Variants in FSTL5 observed in about 807,000 individuals in gnomAD.
FSTL5 encodes follistatin-related protein 5.
In FSTL5, 62 loss-of-function variants were observed where a neutral mutation model predicts 89.1. The ratio of observed to expected loss-of-function variants is 0.70; its 90% CI spans 0.57 to 0.86. The LOEUF is 0.86. Among genes scored for constraint, FSTL5 ranks in the 40% least tolerant of loss-of-function variants. The pLI, the probability that FSTL5 is intolerant of heterozygous loss-of-function variation, is 0.00. For synonymous variants in FSTL5, 383 were observed against 346.2 expected, an observed-to-expected ratio of 1.11 and a Z score of -1.18; for missense variants, 1,057 against 1,001.6, an observed-to-expected ratio of 1.06 and a Z score of -0.75.
intron 1 of FSTL5, among the ~76,000 whole-genome samples, chr4:162,119,175 C>T (rs1272747662): frequency 6.6e-6 from 1 of 151,546 alleles, no homozygotes; most frequent in East Asian, 2.0e-4. Context: ...TGCAGTGAGC[C>T]ATGATCATAC....
At chr4:161,488,122 G>A (rs1221621389) in intron 12 of FSTL5, among the ~76,000 whole-genome samples, 1 of 152,014 alleles carries the variant, frequency 6.6e-6, no homozygotes, top group Non-Finnish European at 1.5e-5. Context: ...TTAAAGCACT[G>A]AGGATAAAAT....
At chr4:162,139,709 A>G (rs1018759804) in intron 1 of FSTL5, among the ~76,000 whole-genome samples, 3 of 152,166 alleles carry the variant, frequency 2.0e-5, no homozygotes, top group African/African-American at 7.2e-5. Flanking sequence ...ATACTATGAA[A>G]CTTTTAAAAC....
At chr4:161,868,383 T>A (rs1413507250) in intron 4 of FSTL5, among the ~76,000 whole-genome samples, 1 of 152,150 alleles carries the variant, frequency 6.6e-6, no homozygotes, top group African/African-American at 2.4e-5. Flanking sequence ...TCAGCTAACA[T>A]CTCTTGTAGA....
chr4:161,587,757 G>A (rs1309124812), intron 7 of FSTL5, among the ~76,000 whole-genome samples, 182 bp from the exon 8 acceptor site: 4 of 152,090 alleles, frequency 2.6e-5, no homozygotes, highest in Non-Finnish European at 4.4e-5. Context: ...CTAACAATAT[G>A]TTTTGTTTAA....
intron 6 of FSTL5, among the ~76,000 whole-genome samples, chr4:161,693,740 G>A (rs559102196): frequency 2.8e-5 from 4 of 142,186 alleles, no homozygotes; most frequent in South Asian, 2.3e-4. Flanking sequence ...CCGGGTTCAC[G>A]CCATTCTCCT....
chr4:161,491,662 G>A (rs1729879413), intron 12 of FSTL5, among the ~76,000 whole-genome samples: 2 of 152,012 alleles, frequency 1.3e-5, no homozygotes, highest in Non-Finnish European at 2.9e-5. Context: ...TCAACATGCT[G>A]AAACCCCGTC....
intron 9 of FSTL5, among the ~76,000 whole-genome samples, chr4:161,541,312 C>G (rs1023193109): frequency 1.3e-5 from 2 of 152,124 alleles, no homozygotes; most frequent in East Asian, 3.9e-4. Context: ...AGTGTAACAA[C>G]TTCAAAAATT....
chr4:161,641,127 C>T (rs1219945710), intron 7 of FSTL5, among the ~76,000 whole-genome samples: 4 of 152,130 alleles, frequency 2.6e-5, no homozygotes, highest in African/African-American at 9.7e-5. Context: ...TACCTGCTCA[C>T]CTGCCCTGCT....
At chr4:161,989,121 C>T (rs2111070791) in intron 3 of FSTL5, among the ~76,000 whole-genome samples, 1 of 152,222 alleles carries the variant, frequency 6.6e-6, no homozygotes, top group South Asian at 2.1e-4. Flanking sequence ...ATAAAATAGA[C>T]ATCTGGAAAA....
At chr4:161,978,298 T>G (rs1735721482) in intron 3 of FSTL5, among the ~76,000 whole-genome samples, 1 of 152,204 alleles carries the variant, frequency 6.6e-6, no homozygotes, top group Non-Finnish European at 1.5e-5. Flanking sequence ...ATTGATGTTT[T>G]CTAAAATGTT....
chr4:161,871,391 T>A (rs1732257409), intron 4 of FSTL5, among the ~76,000 whole-genome samples: 1 of 152,140 alleles, frequency 6.6e-6, no homozygotes. Flanking sequence ...AATTATTAAT[T>A]TGTGGAAATT....
chr4:161,764,032 G>A (rs1740902738), intron 5 of FSTL5, among the ~76,000 whole-genome samples: 2 of 151,696 alleles, frequency 1.3e-5, no homozygotes, highest in Non-Finnish European at 2.9e-5. Context: ...ACTATACTAA[G>A]TGCTGGAGGT....
intron 11 of FSTL5, among the ~76,000 whole-genome samples, chr4:161,505,798 G>A (rs1730459094): frequency 6.6e-6 from 1 of 151,854 alleles, no homozygotes. Context: ...TCTCTTGCAA[G>A]ATCAAATTTT....
intron 4 of FSTL5, among the ~76,000 whole-genome samples, chr4:161,858,435 C>G (rs142987343): frequency 6.6e-6 from 1 of 152,250 alleles, no homozygotes; most frequent in African/African-American, 2.4e-5. Flanking sequence ...TACCTAGGCA[C>G]TATGATAGAC....
rs3032092 is a variant in FSTL5 at position 162,141,106 on chromosome 4, CTTTTTTTTTTTT to C, written c.-17+22497_-17+22508del. 8.4e-3 allele frequency among the ~76,000 whole-genome samples: 370 copies of C among 44,012 alleles called. 27 individuals are homozygous for C. Among genetic ancestry groups the C allele is most frequent in the African/African-American group, 0.031 (347 of 11,264 alleles). The allele number at this position is 44,012 out of a possible 152,430, so 28.9% of individuals were successfully genotyped here. A position where few individuals can be genotyped will look rare whatever the true frequency, so the allele number is the denominator to read the frequency against. On this transcript the variant is annotated intron_variant, in intron 1 of 15. Transcript: ENST00000306100. ...AGTGTGGCACCTCCCTCCCTTCTCTCTTTTTTTTTTTTTTTTTTTTTTTTTTTTGAGACGGAG... is the reference window on the plus strand; with the variant it reads ...AGTGTGGCACCTCCCTCCCTTCTCTCTTTTTTTTTTTTTTTTGAGACGGAG...
At chr4:162,118,322 G>A (rs1731726710) in intron 1 of FSTL5, among the ~76,000 whole-genome samples, 2 of 151,774 alleles carry the variant, frequency 1.3e-5, no homozygotes, top group Admixed American at 1.3e-4. Context: ...GTGCAGTGGC[G>A]CGATCTCGGC....
intron 1 of FSTL5, among the ~76,000 whole-genome samples, chr4:162,136,238 A>G (rs541788095): frequency 5.3e-4 from 80 of 152,242 alleles, no homozygotes; most frequent in Non-Finnish European, 9.1e-4. Flanking sequence ...CTCAACATGC[A>G]TATTTAACAT....
At chr4:161,563,920 AC>A (rs1732702346) in intron 8 of FSTL5, among the ~76,000 whole-genome samples, 1 of 151,998 alleles carries the variant, frequency 6.6e-6, no homozygotes, top group East Asian at 1.9e-4. Flanking sequence ...AAAAGAAAAA[AC>A]AACACAAAAA....
At chr4:162,038,874 A>C (rs1213979689) in intron 2 of FSTL5, among the ~76,000 whole-genome samples, 1 of 151,814 alleles carries the variant, frequency 6.6e-6, no homozygotes. Flanking sequence ...CTCCACCATA[A>C]CAGCATTGAG....
Sources: allele counts gnomAD v4.1 joint callset (sites outside exome capture counted in the v4.1 genomes callset), GRCh38; gene constraint gnomAD v4.1.1; transcripts MANE v1.5; gene names NCBI Gene and HGNC (gene_info 2026-07-23, HGNC 2026-07-21).